The following KCNMB2 variants were observed in gnomAD, a reference collection of about 807,000 sequenced individuals.
The protein encoded by KCNMB2 is potassium calcium-activated channel subfamily M regulatory beta subunit 2.
Under a neutral mutation model 24.5 loss-of-function variants are expected in KCNMB2, and 9 were observed. That is an observed-to-expected ratio of 0.37 (90% confidence interval 0.22 to 0.64). The LOEUF is 0.64. Ranked by LOEUF, KCNMB2 falls within the 30% of genes least tolerant of loss-of-function variation. The pLI, the probability that KCNMB2 is intolerant of heterozygous loss-of-function variation, is 0.63. For synonymous variants in KCNMB2, 109 were observed against 104.4 expected, an observed-to-expected ratio of 1.04 and a Z score of -0.27; for missense variants, 226 against 284.3, an observed-to-expected ratio of 0.79 and a Z score of 1.47.
intron 1 of KCNMB2, among the ~76,000 whole-genome samples, chr3:178,669,737 C>T (rs946994278): frequency 2.0e-5 from 3 of 151,972 alleles, no homozygotes; most frequent in Non-Finnish European, 2.9e-5. Flanking sequence ...AAATCATAGG[C>T]TCTGGGAGCC....
Position 178,797,692 on chromosome 3 carries a change from T to C in KCNMB2, c.-67-9651T>C, listed in dbSNP as rs763866605. 1.5e-3 allele frequency among the ~76,000 whole-genome samples: 221 copies of C among 152,326 alleles called. 7 individuals carry two copies. The highest frequency in any genetic ancestry group is 0.014 in the Admixed American group (214 of 15,294). ...GTGAAGAATGTCAATGGTAGTTTAA[T>C]GGGAATAGCATTGAATCTATAAATT... On this transcript the variant is annotated intron_variant, in intron 1 of 4. Coordinates refer to ENST00000452583, the MANE Select transcript of KCNMB2 (RefSeq NM_181361.3).
Position 178,569,325 on chromosome 3 carries a change from GT to G in KCNMB2, c.-68+32616del, listed in dbSNP as rs574996972. Reference sequence around the variant, plus strand: ...ACGATCATGGTGGCTAATCACAATGGTTAGAAACATAGCACATTCTAATTTA... The same window carrying G: ...ACGATCATGGTGGCTAATCACAATGGTAGAAACATAGCACATTCTAATTTA... On this transcript the variant is annotated intron_variant, in intron 1 of 4. Coordinates refer to ENST00000452583, the MANE Select transcript of KCNMB2 (RefSeq NM_181361.3). 1.1e-4 allele frequency among the ~76,000 whole-genome samples: 16 copies of G among 152,118 alleles called. 1 individual carries two copies. Among genetic ancestry groups the G allele is most frequent in the Non-Finnish European group, 2.2e-4 (15 of 68,014 alleles).
chr3:178,560,825 C>T (rs1375313543), intron 1 of KCNMB2, among the ~76,000 whole-genome samples: 2 of 152,210 alleles, frequency 1.3e-5, no homozygotes, highest in Non-Finnish European at 2.9e-5. Context: ...GATGTGGACA[C>T]TAAGGCTTGA....
chr3:178,596,454 G>A (rs540902020), intron 1 of KCNMB2, among the ~76,000 whole-genome samples: 8 of 152,206 alleles, frequency 5.3e-5, no homozygotes, highest in African/African-American at 1.9e-4. Flanking sequence ...ATAATTGGAA[G>A]AGTTGGGATA....
At chr3:178,544,522 A>G (rs1019045543) in intron 1 of KCNMB2, among the ~76,000 whole-genome samples, 1 of 152,196 alleles carries the variant, frequency 6.6e-6, no homozygotes, top group Non-Finnish European at 1.5e-5. Flanking sequence ...AGGGGAGGAA[A>G]TGAATAAGCA....
chr3:178,699,557 C>A (rs942642605), intron 1 of KCNMB2, among the ~76,000 whole-genome samples: 2 of 151,636 alleles, frequency 1.3e-5, no homozygotes, highest in African/African-American at 2.4e-5. Context: ...ATGGTGTGGG[C>A]CCCCCGGGCA....
chr3:178,717,230 C>T (rs1559987199), intron 1 of KCNMB2, among the ~76,000 whole-genome samples: 1 of 152,030 alleles, frequency 6.6e-6, no homozygotes. Flanking sequence ...AAACTGGCCA[C>T]CTGTTTCCAA....
intron 1 of KCNMB2, among the ~76,000 whole-genome samples, chr3:178,771,947 T>C (rs1381221990): frequency 6.6e-6 from 1 of 152,132 alleles, no homozygotes; most frequent in Non-Finnish European, 1.5e-5. Context: ...ACCAGATCCC[T>C]TACCTCCTTA....
chr3:178,806,285 C>T (rs1324983534), intron 1 of KCNMB2, among the ~76,000 whole-genome samples: 1 of 152,118 alleles, frequency 6.6e-6, no homozygotes, highest in Non-Finnish European at 1.5e-5. Context: ...ATATCACTAC[C>T]CACCTTGCAG....
At chr3:178,790,427 T>C (rs895323719) in intron 1 of KCNMB2, among the ~76,000 whole-genome samples, 1 of 152,102 alleles carries the variant, frequency 6.6e-6, no homozygotes, top group African/African-American at 2.4e-5. Context: ...GGTACCAACT[T>C]GGCCACAGTA....
chr3:178,797,079 A>G (rs1467402946), intron 1 of KCNMB2, among the ~76,000 whole-genome samples: 1 of 152,172 alleles, frequency 6.6e-6, no homozygotes, highest in Non-Finnish European at 1.5e-5. Flanking sequence ...GCAGAAATTC[A>G]AAGGATCATT....
chr3:178,719,898 C>T (rs1051124534), intron 1 of KCNMB2, among the ~76,000 whole-genome samples: 2 of 152,124 alleles, frequency 1.3e-5, no homozygotes, highest in East Asian at 1.9e-4. Flanking sequence ...AGTACCTAGC[C>T]CCCGGCAACC....
chr3:178,612,167 A>C (rs1718505803), intron 1 of KCNMB2, among the ~76,000 whole-genome samples: 1 of 152,206 alleles, frequency 6.6e-6, no homozygotes, highest in Non-Finnish European at 1.5e-5. Flanking sequence ...TTGGTGACCT[A>C]ATTCATAGTC....
intron 1 of KCNMB2, among the ~76,000 whole-genome samples, chr3:178,705,423 T>C (rs1722245191): frequency 6.6e-6 from 1 of 152,196 alleles, no homozygotes; most frequent in Non-Finnish European, 1.5e-5. Flanking sequence ...AGGCTAAAGC[T>C]GGCCTAGCCA....
chr3:178,693,214 C>T (rs1324493346), intron 1 of KCNMB2, among the ~76,000 whole-genome samples: 1 of 152,174 alleles, frequency 6.6e-6, no homozygotes, highest in East Asian at 1.9e-4. Flanking sequence ...TTTTGACTTC[C>T]ACTCTTCCTG....
At chr3:178,831,634 AAACT>A (rs1305320170) in intron 4 of KCNMB2, among the ~76,000 whole-genome samples, 1 of 152,204 alleles carries the variant, frequency 6.6e-6, no homozygotes, top group East Asian at 1.9e-4. Flanking sequence ...CATGCTAAGT[AAACT>A]AACACAGGAA....
intron 1 of KCNMB2, among the ~76,000 whole-genome samples, chr3:178,573,784 A>C (rs1341177666): frequency 6.6e-6 from 1 of 150,800 alleles, no homozygotes; most frequent in African/African-American, 2.4e-5. Flanking sequence ...TTTATTTAGC[A>C]GCAATGTTGT....
intron 1 of KCNMB2, among the ~76,000 whole-genome samples, chr3:178,701,438 G>T (rs1722091164): frequency 1.3e-5 from 2 of 152,114 alleles, no homozygotes; most frequent in Non-Finnish European, 2.9e-5. Context: ...TTGGCAATGA[G>T]GGCTCTTTTT....
chr3:178,569,699 G>A (rs558795481), intron 1 of KCNMB2, among the ~76,000 whole-genome samples: 1 of 152,228 alleles, frequency 6.6e-6, no homozygotes, highest in East Asian at 1.9e-4. Flanking sequence ...AAACCACTTT[G>A]TAAACTGTAA....
Sources: allele counts gnomAD v4.1 joint callset (sites outside exome capture counted in the v4.1 genomes callset), GRCh38; gene constraint gnomAD v4.1.1; transcripts MANE v1.5; gene names NCBI Gene and HGNC (gene_info 2026-07-23, HGNC 2026-07-21).